Variants in ARMH3 observed in about 807,000 individuals in gnomAD.
ARMH3 encodes the protein armadillo like helical domain containing 3.
A neutral mutation model predicts 99.1 loss-of-function variants in ARMH3; 60 were observed. That is an observed-to-expected ratio of 0.61 (90% CI 0.49 to 0.75). The LOEUF (loss-of-function observed/expected upper bound fraction) is 0.75, where lower values mean the gene tolerates loss of function less well. Ranked by LOEUF, ARMH3 falls within the 30% of genes least tolerant of loss-of-function variation. ARMH3 has a pLI of 0.00. For missense variants in ARMH3, 679 were observed against 843.1 expected (o/e 0.81, Z 2.41); for synonymous variants, 285 against 292.8 (o/e 0.97, Z 0.27).
chr10:101,904,146 GC>G (rs2068044957), intron 23 of ARMH3, among the ~76,000 whole-genome samples: 1 of 152,210 alleles, frequency 6.6e-6, no homozygotes, highest in Non-Finnish European at 1.5e-5. Flanking sequence ...CTTTGCAGCT[GC>G]CTGTTATAAG....
rs548464705 is a variant in ARMH3, at chr10:101,912,446, T to C, written c.1782-22956A>G. Among the ~76,000 whole-genome samples the C allele has an allele frequency of 7.2e-4, 103 of 143,322 alleles. 1 individual carries two copies. The highest frequency in any genetic ancestry group is 1.2e-3 in the Non-Finnish European group (81 of 65,148). 94.0% of individuals were successfully genotyped at this position (143,322 alleles called of 152,430 possible). The stretch of plus-strand genomic sequence containing the variant: ...CACAAGAATAATAAACTGAAATACA[T>C]AACATGCTGAGTTCATGATACTAAA... On this transcript the variant is annotated intron_variant, in intron 23 of 25. Coordinates refer to ENST00000370033, the MANE Select transcript of ARMH3 (RefSeq NM_024541.3).
At chr10:101,888,892 A>C (rs2067618980) in intron 24 of ARMH3, among the ~76,000 whole-genome samples, 1 of 152,236 alleles carries the variant, frequency 6.6e-6, no homozygotes, top group African/African-American at 2.4e-5. Flanking sequence ...CAAAGACACA[A>C]GGCTATCTGC....
In ARMH3 at chr10:102,002,017, C is replaced by T. The variant is rs1455925141; in HGVS notation, c.1104G>A (p.Leu368=). 4 of 1,614,200 alleles carry T rather than the reference C, an allele frequency of 2.5e-6. No individual in the cohort carries two copies. Among genetic ancestry groups the T allele is most frequent in the Non-Finnish European group, 2.5e-6 (3 of 1,180,034 alleles). The change falls in exon 15 of 26, where the codon CTG becomes CTA. Residue 368 remains leucine, a synonymous_variant. Transcript: ENST00000370033. ...LDADVQTSNL[L]ITFLKYSSIV... is the part of the protein sequence containing the mutation. ...TTGAGCTATACTTTAAAAAGGTTAT[C>T]AGTAGATTACTGGTCTGTACATCTG...
chr10:101,983,064 T>C (rs1227035642), intron 19 of ARMH3, among the ~76,000 whole-genome samples: 2 of 152,134 alleles, frequency 1.3e-5, no homozygotes, highest in Admixed American at 6.5e-5. Flanking sequence ...TTTCCTGACA[T>C]ACAACTCCTA....
At chr10:102,018,882 G>A (rs149037791) in intron 8 of ARMH3, among the ~76,000 whole-genome samples, 36 of 152,160 alleles carry the variant, frequency 2.4e-4, no homozygotes, top group Non-Finnish European at 3.5e-4. Context: ...ATTAGAGCCC[G>A]GGAAACAGAG....
At chr10:102,027,104 C>T (rs1472003022) in intron 5 of ARMH3, among the ~76,000 whole-genome samples, 2 of 152,044 alleles carry the variant, frequency 1.3e-5, no homozygotes, top group Non-Finnish European at 2.9e-5. Flanking sequence ...CAGGGTGAAA[C>T]CCTGTCTCTA....
chr10:101,992,175 G>A (rs953684795), intron 17 of ARMH3, 137 bp from the exon 18 acceptor site: 2 of 760,830 alleles, frequency 2.6e-6, no homozygotes, highest in African/African-American at 3.4e-5. Flanking sequence ...TCACATGGTG[G>A]GAGAGGAATG....
intron 23 of ARMH3, among the ~76,000 whole-genome samples, chr10:101,938,231 T>G (rs1441059435): frequency 1.3e-5 from 2 of 152,184 alleles, no homozygotes; most frequent in African/African-American, 4.8e-5. Context: ...ACAGTAAAAA[T>G]GATGTGATTA....
chr10:101,912,341 C>A (rs1198059100), intron 23 of ARMH3, among the ~76,000 whole-genome samples: 4 of 144,808 alleles, frequency 2.8e-5, no homozygotes, highest in Non-Finnish European at 6.0e-5. Context: ...TGCAGTGAGC[C>A]GAGATCGTGC....
intron 22 of ARMH3, among the ~76,000 whole-genome samples, chr10:101,942,620 G>A (rs1391698303): frequency 1.3e-5 from 2 of 152,110 alleles, no homozygotes; most frequent in Admixed American, 6.5e-5. Flanking sequence ...CCAGCACTTT[G>A]GGAGACTGAA....
intron 23 of ARMH3, among the ~76,000 whole-genome samples, chr10:101,927,837 C>T (rs1273993919): frequency 6.6e-6 from 1 of 152,188 alleles, no homozygotes; most frequent in African/African-American, 2.4e-5. Context: ...CTTTGGAGGG[C>T]CAGGGCAGGT....
chr10:101,987,476 G>A (rs1043183249), intron 19 of ARMH3, among the ~76,000 whole-genome samples: 8 of 152,126 alleles, frequency 5.3e-5, no homozygotes, highest in African/African-American at 1.9e-4. Flanking sequence ...AGCCTCCGGG[G>A]TCAGACATGA....
chr10:102,054,103 C>A (rs2067777499), intron 1 of ARMH3, among the ~76,000 whole-genome samples: 1 of 152,006 alleles, frequency 6.6e-6, no homozygotes, highest in Non-Finnish European at 1.5e-5. Flanking sequence ...AAATGTTGAA[C>A]AAGTCGGCTG....
intron 4 of ARMH3, 94 bp downstream of exon 4, chr10:102,032,932 C>T: frequency 7.1e-7 from 1 of 1,406,172 alleles, no homozygotes. Flanking sequence ...AAACCTCATA[C>T]CTCAGAGCAA....
chr10:102,014,751 T>C (rs934835825), intron 8 of ARMH3, among the ~76,000 whole-genome samples: 2 of 152,178 alleles, frequency 1.3e-5, no homozygotes, highest in Admixed American at 6.5e-5. Context: ...CCAATCTCAG[T>C]TGGGCAGCAT....
chr10:101,859,186 T>C (rs1337430002), intron 24 of ARMH3, among the ~76,000 whole-genome samples: 1 of 152,222 alleles, frequency 6.6e-6, no homozygotes, highest in African/African-American at 2.4e-5. Flanking sequence ...GACCAGTGAA[T>C]GGGCAGCTAG....
chr10:101,886,449 G>A (rs1365505734), intron 24 of ARMH3, among the ~76,000 whole-genome samples: 1 of 152,066 alleles, frequency 6.6e-6, no homozygotes, highest in Non-Finnish European at 1.5e-5. Context: ...GACAGAGGCT[G>A]CAGTGAGCCA....
intron 6 of ARMH3, 55 bp downstream of exon 6, chr10:102,025,101 A>T: frequency 7.0e-7 from 1 of 1,426,638 alleles, no homozygotes; most frequent in Non-Finnish European, 9.9e-7. Context: ...TCAAGTATTC[A>T]AACAGGATTG....
At chr10:101,873,279 G>A (rs1466715106) in intron 24 of ARMH3, among the ~76,000 whole-genome samples, 1 of 151,732 alleles carries the variant, frequency 6.6e-6, no homozygotes, top group Non-Finnish European at 1.5e-5. Flanking sequence ...GGGCGTGGTA[G>A]TGTGCACCTG....
Sources: allele counts gnomAD v4.1 joint callset (sites outside exome capture counted in the v4.1 genomes callset), GRCh38; gene constraint gnomAD v4.1.1; transcripts MANE v1.5; gene names NCBI Gene and HGNC (gene_info 2026-07-23, HGNC 2026-07-21).